The following LSM14A variants were observed in gnomAD, a reference collection of about 807,000 sequenced individuals.
LSM14A encodes the protein protein LSM14 homolog A.
A neutral mutation model predicts 52.4 loss-of-function variants in LSM14A; 14 were observed. The ratio of observed to expected loss-of-function variants is 0.27; its 90% CI spans 0.18 to 0.42. The LOEUF (loss-of-function observed/expected upper bound fraction) is 0.42, where lower values mean the gene tolerates loss of function less well. Among genes scored for constraint, LSM14A ranks in the 10% least tolerant of loss-of-function variants. The pLI, the probability that LSM14A is intolerant of heterozygous loss-of-function variation, is 1.00. For synonymous variants in LSM14A, 185 were observed against 200.3 expected, an observed-to-expected ratio of 0.92 and a Z score of 0.64; for missense variants, 417 against 581.8, an observed-to-expected ratio of 0.72 and a Z score of 2.91.
At chr19:34,179,902 TA>T (rs2069354255) in intron 1 of LSM14A, among the ~76,000 whole-genome samples, 1 of 152,192 alleles carries the variant, frequency 6.6e-6, no homozygotes, top group South Asian at 2.1e-4. Context: ...TTAGCTGTTT[TA>T]AAAACTAGAT....
At chr19:34,203,571 G>A (rs893377183) in intron 3 of LSM14A, among the ~76,000 whole-genome samples, 8 of 152,000 alleles carry the variant, frequency 5.3e-5, no homozygotes, top group African/African-American at 1.7e-4. Flanking sequence ...AGGCTGAGAC[G>A]AGTGAATCAT....
At chr19:34,215,786 G>A (rs1194649785) in intron 6 of LSM14A, 125 bp downstream of exon 6, 1 of 681,334 alleles carries the variant, frequency 1.5e-6, no homozygotes, top group African/African-American at 1.8e-5. Context: ...GAGGAGCACA[G>A]GGGAGTGTCA....
chr19:34,221,539 G>C lies in LSM14A; in HGVS notation c.1169G>C (p.Arg390Thr). 2 of 1,614,058 alleles carry C rather than the reference G, an allele frequency of 1.2e-6. No homozygotes were observed. Among genetic ancestry groups the C allele is most frequent in the South Asian group, 2.2e-5 (2 of 91,064 alleles). The change falls in exon 9 of 10, where the codon AGA (arginine) becomes ACA (threonine). Residue 390 changes from arginine to threonine, a missense_variant. Physicochemically the swap from Arg to Thr is moderately conservative, Grantham distance 71. Around this residue, in one of 2 missense-constraint regions of LSM14A, gnomAD observed 357 missense variants for 457.0 expected, o/e 0.78. Transcript: ENST00000544216. Reference sequence around the variant, plus strand: ...AGACCAACCTGGGCTGAAGAAAGAAGATTAAATGCTGAAACATTTGGAATC... The same window carrying C: ...AGACCAACCTGGGCTGAAGAAAGAACATTAAATGCTGAAACATTTGGAATC... ...ERRPTWAEER[R>T]LNAETFGIPL...
At chr19:34,209,819 T>C (rs1442695011) in intron 4 of LSM14A, among the ~76,000 whole-genome samples, 1 of 151,716 alleles carries the variant, frequency 6.6e-6, no homozygotes, top group Non-Finnish European at 1.5e-5. Flanking sequence ...ATGTTGGGAT[T>C]ACAGGCGTGA....
intron 1 of LSM14A, among the ~76,000 whole-genome samples, chr19:34,173,550 C>T (rs982724760): frequency 2.6e-5 from 4 of 152,106 alleles, no homozygotes; most frequent in African/African-American, 7.2e-5. Context: ...GGAATTCGGC[C>T]GAGAAGGAAG....
chr19:34,219,587 T>C lies in LSM14A; in HGVS notation c.964+14T>C. The C allele has an allele frequency of 1.9e-6, 3 of 1,598,118 alleles. No individual in the cohort carries two copies. Among genetic ancestry groups the C allele is most frequent in the Non-Finnish European group, 2.6e-6 (3 of 1,170,368 alleles). ...TTAAATTAAAAGGTAAGCTTTGATT[T>C]TTCTTTTCAGAAAATAATCTTATTT... is the stretch of plus-strand genomic sequence containing the variant. On this transcript the variant is annotated intron_variant, in intron 7 of 9. Transcript: ENST00000544216.
chr19:34,227,790 T>TTGTGTGTGTGTGTGTGTGTGTGTG lies in LSM14A; in HGVS notation c.*418_*441dup, dbSNP rs71165635. The TTGTGTGTGTGTGTGTGTGTGTGTG allele has an allele frequency of 2.0e-5, 3 of 152,312 alleles. No homozygotes were observed. The highest frequency in any genetic ancestry group is 2.0e-4 in the East Asian group (1 of 5,072). 9.4% of individuals were successfully genotyped at this position (152,312 alleles called of 1,614,324 possible). A position where few individuals can be genotyped will look rare whatever the true frequency, so the allele number is the denominator to read the frequency against. The stretch of plus-strand genomic sequence containing the variant: ...ATACTGTGTTTTGAGCCACAGAAGG[T>TTGTGTGTGTGTGTGTGTGTGTGTG]TGTGTGTGTGTGTGTGTGTGTGTGT... On this transcript the variant is annotated 3_prime_UTR_variant, in exon 10 of 10. Coordinates refer to ENST00000544216, the MANE Select transcript of LSM14A (RefSeq NM_015578.4).
Position 34,221,527 on chromosome 19 carries a change from C to T in LSM14A, c.1157C>T (p.Ala386Val), listed in dbSNP as rs1185066922. 1 of 1,613,644 alleles carries T rather than the reference C, an allele frequency of 6.2e-7. No individual in the cohort carries two copies. Among genetic ancestry groups the T allele is most frequent in the Non-Finnish European group, 8.5e-7 (1 of 1,179,990 alleles). Residue 386 changes from alanine to valine, a missense_variant, in exon 9 of 10, where the codon GCT becomes GTT. Coordinates refer to ENST00000544216, the MANE Select transcript of LSM14A (RefSeq NM_015578.4). ...AATAGAGAACGGAGACCAACCTGGG[C>T]TGAAGAAAGAAGATTAAATGCTGAA... The part of the protein sequence containing the change: ...DDNRERRPTW[A>V]EERRLNAETF...
chr19:34,182,826 A>C (rs1314415288), intron 1 of LSM14A, among the ~76,000 whole-genome samples: 1 of 138,828 alleles, frequency 7.2e-6, no homozygotes, highest in Admixed American at 7.5e-5. Flanking sequence ...CCTAAGCGAC[A>C]GTGAGACTCC....
intron 4 of LSM14A, among the ~76,000 whole-genome samples, chr19:34,212,812 A>C (rs1259849685): frequency 6.6e-6 from 1 of 152,228 alleles, no homozygotes; most frequent in Non-Finnish European, 1.5e-5. Context: ...TTTTAAGTAC[A>C]CAACAAATGT....
chr19:34,173,259 C>A (rs146579559), intron 1 of LSM14A, among the ~76,000 whole-genome samples: 2 of 152,292 alleles, frequency 1.3e-5, no homozygotes, highest in African/African-American at 2.4e-5. Flanking sequence ...GTTTGCTCTG[C>A]GACGCAGACA....
chr19:34,211,702 TC>T (rs1158177858), intron 4 of LSM14A, among the ~76,000 whole-genome samples: 7 of 151,288 alleles, frequency 4.6e-5, no homozygotes, highest in African/African-American at 1.7e-4. Flanking sequence ...GACAGGAGGA[TC>T]ACTTGAGCCC....
At chr19:34,188,753 G>A (rs1007372243) in intron 1 of LSM14A, among the ~76,000 whole-genome samples, 2 of 151,822 alleles carry the variant, frequency 1.3e-5, no homozygotes, top group Non-Finnish European at 2.9e-5. Context: ...ATGCTTTCAC[G>A]CTTCACTCTT....
chr19:34,183,027 C>T (rs1417053466), intron 1 of LSM14A, among the ~76,000 whole-genome samples: 1 of 152,022 alleles, frequency 6.6e-6, no homozygotes, highest in Non-Finnish European at 1.5e-5. Context: ...TGCGTTTATC[C>T]TCCACCCTGC....
intron 6 of LSM14A, 33 bp downstream of exon 6, chr19:34,215,694 G>A: frequency 1.4e-6 from 2 of 1,398,756 alleles, no homozygotes; most frequent in Non-Finnish European, 1.0e-6. Context: ...CATATTCTAT[G>A]CTTCTCAACA....
intron 1 of LSM14A, among the ~76,000 whole-genome samples, chr19:34,189,472 G>A (rs901572341): frequency 2.6e-5 from 4 of 152,072 alleles, no homozygotes; most frequent in African/African-American, 9.7e-5. Context: ...GAAAGAAATG[G>A]GATGAAATGC....
chr19:34,196,556 G>A, intron 2 of LSM14A, 78 bp from the exon 3 acceptor site: 2 of 1,408,606 alleles, frequency 1.4e-6, no homozygotes, highest in South Asian at 3.1e-5. Flanking sequence ...TTTCTTAAAA[G>A]TAAAAATCTG....
intron 3 of LSM14A, among the ~76,000 whole-genome samples, chr19:34,197,163 C>G (rs992885361): frequency 6.6e-6 from 1 of 152,086 alleles, no homozygotes; most frequent in Non-Finnish European, 1.5e-5. Flanking sequence ...ACTATCTTGG[C>G]TCACTACAAC....
At chr19:34,211,791 C>A (rs1378506087) in intron 4 of LSM14A, among the ~76,000 whole-genome samples, 2 of 150,968 alleles carry the variant, frequency 1.3e-5, no homozygotes, top group African/African-American at 4.9e-5. Context: ...CCCTGTCCCC[C>A]CCCAAAAAAA....
Sources: allele counts gnomAD v4.1 joint callset (sites outside exome capture counted in the v4.1 genomes callset), GRCh38; gene constraint gnomAD v4.1.1; regional missense constraint gnomAD v4.1.1; transcripts MANE v1.5; gene names NCBI Gene and HGNC (gene_info 2026-07-23, HGNC 2026-07-21).